Variants in USP25 observed in about 807,000 individuals in gnomAD.
The protein encoded by USP25 is ubiquitin specific peptidase 25.
In USP25, 85 loss-of-function variants were observed where a neutral mutation model predicts 158.5. That is an observed-to-expected ratio of 0.54 (90% CI 0.45 to 0.64). The LOEUF (loss-of-function observed/expected upper bound fraction) is 0.64. Ranked by LOEUF, USP25 falls within the 30% of genes least tolerant of loss-of-function variation. The probability of loss-of-function intolerance (pLI) is 0.00; values close to 1 mark genes in which losing one functional copy is unlikely to be tolerated. For synonymous variants in USP25, 464 were observed against 460.4 expected (o/e 1.01, Z -0.10); for missense variants, 1,242 against 1,327.3 (o/e 0.94, Z 1.00).
intron 24 of USP25, chr21:15,876,258 G>A (rs1156395563): frequency 1.3e-5 from 2 of 152,058 alleles, no homozygotes; most frequent in Admixed American, 1.3e-4. Context: ...AAAAATTGTA[G>A]TAAATACTTG....
chr21:15,765,430 G>A (rs921751190), intron 2 of USP25, among the ~76,000 whole-genome samples: 17 of 151,946 alleles, frequency 1.1e-4, no homozygotes, highest in African/African-American at 4.1e-4. Flanking sequence ...ATTTGAGCAG[G>A]ATTGTCATCT....
chr21:15,773,092 T>G (rs1427275077), intron 3 of USP25, among the ~76,000 whole-genome samples: 1 of 152,224 alleles, frequency 6.6e-6, no homozygotes, highest in Non-Finnish European at 1.5e-5. Context: ...TAGTCTCTGG[T>G]CTCAACCAAC....
At chr21:15,800,794 G>T (rs1333617655) in intron 6 of USP25, among the ~76,000 whole-genome samples, 1 of 151,394 alleles carries the variant, frequency 6.6e-6, no homozygotes, top group East Asian at 1.9e-4. Context: ...TCGTTTTAGC[G>T]TTTAATTTTT....
At chr21:15,742,186 T>C (rs2032123237) in intron 1 of USP25, among the ~76,000 whole-genome samples, 1 of 151,782 alleles carries the variant, frequency 6.6e-6, no homozygotes, top group Non-Finnish European at 1.5e-5. Flanking sequence ...ACCCCCACTA[T>C]ATCTGTTGGG....
chr21:15,785,207 G>A (rs935328133), intron 4 of USP25, among the ~76,000 whole-genome samples: 1 of 151,976 alleles, frequency 6.6e-6, no homozygotes, highest in Non-Finnish European at 1.5e-5. Context: ...AAGCAAAACT[G>A]TAAATATATA....
At chr21:15,857,817 A>G (rs1210250724) in intron 20 of USP25, among the ~76,000 whole-genome samples, 1 of 152,016 alleles carries the variant, frequency 6.6e-6, no homozygotes, top group African/African-American at 2.4e-5. Flanking sequence ...TCATGGTTTT[A>G]TAATACTTTT....
At chr21:15,817,535 A>G (rs545479036) in intron 9 of USP25, among the ~76,000 whole-genome samples, 4 of 152,268 alleles carry the variant, frequency 2.6e-5, no homozygotes, top group Non-Finnish European at 4.4e-5. Context: ...TGCTGCTGAT[A>G]AAGACATACC....
At chr21:15,762,575 T>C (rs1457714780) in intron 1 of USP25, among the ~76,000 whole-genome samples, 1 of 152,108 alleles carries the variant, frequency 6.6e-6, no homozygotes, top group Non-Finnish European at 1.5e-5. Context: ...AAGGCCCCTT[T>C]TCTTGTTAGG....
intron 23 of USP25, among the ~76,000 whole-genome samples, chr21:15,870,961 A>ACCCCCGGCCGAGG (rs2039860975): frequency 6.6e-6 from 1 of 152,196 alleles, no homozygotes; most frequent in Admixed American, 6.5e-5. Flanking sequence ...TTTAAAACCA[A>ACCCCCGGCCGAGG]AGTTCAGTTC....
At position 15,849,863 on chromosome 21, in the gene USP25, GT is replaced by G. The variant is rs2038804117; in HGVS notation, c.2540del (p.Phe847SerfsTer31). ...ATGACAGGTGTGGCCCTGAAGCAGG[GT>G]TCTTTAAGGTACAATGAACATTTTC... ...VYDRCGPEAG[F>X]FKAIKLEYAR... On this transcript the variant is annotated frameshift_variant, in exon 20 of 26. Coordinates refer to ENST00000400183, the MANE Select transcript of USP25 (RefSeq NM_001283041.3). LOFTEE classifies it high-confidence loss of function. 6.6e-7 allele frequency: 1 copy of G among 1,508,210 alleles called. No individual in the cohort carries two copies. The highest frequency in any genetic ancestry group is 1.4e-5 in the African/African-American group (1 of 71,490). The allele number at this position is 1,508,210 out of a possible 1,614,324, so 93.4% of individuals were successfully genotyped here. A position where few individuals can be genotyped will look rare whatever the true frequency, so the allele number is the denominator to read the frequency against.
chr21:15,872,014 GT>G (rs1158862222), intron 23 of USP25, among the ~76,000 whole-genome samples: 12,315 of 71,628 alleles, frequency 0.17, 563 homozygotes, highest in East Asian at 0.23. Context: ...AAGAAATACT[GT>G]TTTTTTTTTT....
At chr21:15,831,689 G>A (rs779824679) in intron 16 of USP25, 60 bp downstream of exon 16, 43 of 1,364,190 alleles carry the variant, frequency 3.2e-5, no homozygotes, top group Non-Finnish European at 4.4e-5. Flanking sequence ...TCTGGTATGT[G>A]GTGTGATTAG....
intron 18 of USP25, among the ~76,000 whole-genome samples, chr21:15,847,263 AC>A (rs2038665580): frequency 2.0e-5 from 3 of 152,206 alleles, no homozygotes; most frequent in Non-Finnish European, 4.4e-5. Flanking sequence ...TGTCAGCTAT[AC>A]AGACAATAAT....
At chr21:15,834,436 CT>C (rs778353072) in intron 17 of USP25, among the ~76,000 whole-genome samples, 77 of 146,992 alleles carry the variant, frequency 5.2e-4, no homozygotes, top group Middle Eastern at 3.6e-3. Flanking sequence ...TATTGAATAA[CT>C]TTTTTTTTTT....
chr21:15,818,897 A>G (rs765200155), intron 10 of USP25, 51 bp downstream of exon 10: 13 of 1,578,268 alleles, frequency 8.2e-6, no homozygotes, highest in African/African-American at 1.3e-5. Context: ...CTTTCTTACA[A>G]TGCTATAGCA....
intron 17 of USP25, among the ~76,000 whole-genome samples, 182 bp from the exon 18 acceptor site, chr21:15,842,216 G>A (rs1349853361): frequency 6.6e-6 from 1 of 151,184 alleles, no homozygotes; most frequent in Admixed American, 6.6e-5. Flanking sequence ...CTTAGTTCTG[G>A]GTTTTTGTTT....
In USP25 at chr21:15,827,769, T is replaced by TGC. The variant is rs760453603; in HGVS notation, c.1693+567_1693+568insCG. 9.0e-3 allele frequency among the ~76,000 whole-genome samples: 919 copies of TGC among 102,524 alleles called. 3 individuals are homozygous for TGC. Among genetic ancestry groups the TGC allele is most frequent in the African/African-American group, 0.03 (393 of 12,920 alleles). The allele number at this position is 102,524 out of a possible 152,430, so 67.3% of individuals were successfully genotyped here. On this transcript the variant is annotated intron_variant, in intron 14 of 25. Coordinates refer to ENST00000400183, the MANE Select transcript of USP25 (RefSeq NM_001283041.3). The stretch of plus-strand genomic sequence containing the variant: ...GTGTGCACTTGTGTGCGTGTGCGTG[T>TGC]GTGTGTGTGTGTGTGTGTGTGTGTG...
In USP25 at chr21:15,843,341, A is replaced by G. The variant is rs1433719347; in HGVS notation, c.2337+801A>G. Among the ~76,000 whole-genome samples, 1 of 152,202 alleles carries G rather than the reference A, an allele frequency of 6.6e-6. No individual in the cohort carries two copies. Among genetic ancestry groups the G allele is most frequent in the Non-Finnish European group, 1.5e-5 (1 of 68,028 alleles). On this transcript the variant is annotated intron_variant, in intron 18 of 25. Transcript: ENST00000400183. This position sits in a 1 kb window ranked among gnomAD's most constrained non-coding sequence, Gnocchi z 4.0. ...CCTTGACAACTAAAAAGAGTACGAC[A>G]TATCATAATTTTACAACACGTAATT...
At position 15,730,241 on chromosome 21, in the gene USP25, C is replaced by T. The variant is rs550078648; in HGVS notation, c.-153C>T. 1.2e-6 allele frequency: 1 copy of T among 837,372 alleles called. No homozygotes were observed. The highest frequency in any genetic ancestry group is 1.9e-5 in the African/African-American group (1 of 53,716). The allele number at this position is 837,372 out of a possible 1,614,324, so 51.9% of individuals were successfully genotyped here. A position where few individuals can be genotyped will look rare whatever the true frequency, so the allele number is the denominator to read the frequency against. On this transcript the variant is annotated 5_prime_UTR_variant, in exon 1 of 26. Coordinates refer to ENST00000400183, the MANE Select transcript of USP25 (RefSeq NM_001283041.3). ...GCCCGCGGTGCCCGCGCACGCCGGC[C>T]GCCATCGCCTTCGCGCCTGGCTGGC...
Sources: gnomAD v4.1 joint callset for allele counts (sites outside exome capture counted in the v4.1 genomes callset) on GRCh38, gnomAD v4.1.1 for gene constraint, Gnocchi (gnomAD v3.1) non-coding constraint, MANE v1.5 for transcripts, NCBI Gene and HGNC (gene_info 2026-07-23, HGNC 2026-07-21) for gene names.